The following STIMATE variants were observed in gnomAD, a reference collection of about 807,000 sequenced individuals.
STIMATE encodes store-operated calcium entry regulator STIMATE.
A neutral mutation model predicts 36.7 loss-of-function variants in STIMATE; 15 were observed. That is an observed-to-expected ratio of 0.41 (90% CI 0.27 to 0.63). STIMATE has a LOEUF of 0.63. STIMATE is among the 20% of genes least tolerant of loss of function. The probability of loss-of-function intolerance (pLI) is 0.32; values close to 1 mark genes in which losing one functional copy is unlikely to be tolerated. For missense variants in STIMATE, 305 were observed against 397.3 expected, an observed-to-expected ratio of 0.77 and a Z score of 1.98; for synonymous variants, 163 against 162.3, an observed-to-expected ratio of 1.00 and a Z score of -0.03.
chr3:52,897,472 G>A lies in STIMATE; in HGVS notation c.-22C>T. ...GCATGACAGGCCTCGCGGGAGGGGC[G>A]CGAGGGCCCAGGGCCCGCCCGGCCT... On this transcript the variant is annotated 5_prime_UTR_variant, in exon 1 of 8. Transcript: ENST00000355083. 4 of 1,281,898 alleles carry A rather than the reference G, an allele frequency of 3.1e-6. No individual in the cohort carries two copies. The highest frequency in any genetic ancestry group is 3.9e-6 in the Non-Finnish European group (4 of 1,016,878). 79.4% of individuals were successfully genotyped at this position (1,281,898 alleles called of 1,614,324 possible).
chr3:52,847,169 C>A, intron 4 of STIMATE: 1 of 989,348 alleles, frequency 1.0e-6, no homozygotes, highest in Non-Finnish European at 1.2e-6. Context: ...CTTAAGCCTC[C>A]CAAAGTGCTG....
chr3:52,863,902 C>G (rs114347218), intron 1 of STIMATE, among the ~76,000 whole-genome samples: 4,511 of 152,326 alleles, frequency 0.03, 226 homozygotes, highest in African/African-American at 0.1. Context: ...CATGCTGATT[C>G]AAGAGGTAGG....
chr3:52,867,795 T>C (rs1321276218), intron 1 of STIMATE, among the ~76,000 whole-genome samples: 1 of 152,092 alleles, frequency 6.6e-6, no homozygotes, highest in Non-Finnish European at 1.5e-5. Flanking sequence ...CCCTCCAGGG[T>C]AGGGTGTGGA....
chr3:52,852,505 C>T, intron 3 of STIMATE, 98 bp downstream of exon 3: 1 of 1,486,482 alleles, frequency 6.7e-7, no homozygotes, highest in Non-Finnish European at 9.2e-7. Flanking sequence ...ACCCTCTCCC[C>T]AAGCCAGAGG....
chr3:52,859,502 CAAAAAAAAAAAAAA>C (rs34298807), intron 1 of STIMATE, among the ~76,000 whole-genome samples: 40 of 15,648 alleles, frequency 2.6e-3, no homozygotes, highest in South Asian at 0.011. Flanking sequence ...CCCATTTCTC[CAAAAAAAAAAAAAA>C]AAAAAAAAAA....
rs1211122135 is a variant in STIMATE at position 52,895,999 on chromosome 3, G to T, written c.160+1292C>A. ...ATTTGTTTAGCAGAGAAAAAGCAAG[G>T]CAAGTTGGGACTAAAAAGGAAAGAA... On this transcript the variant is annotated intron_variant, in intron 1 of 7. Coordinates refer to ENST00000355083, the MANE Select transcript of STIMATE (RefSeq NM_198563.5). 4 of 1,260,172 alleles carry T rather than the reference G, an allele frequency of 3.2e-6. No homozygotes were observed. In the Admixed American group the frequency reaches 9.2e-5, roughly 29 times the overall value. The allele number at this position is 1,260,172 out of a possible 1,614,324, so 78.1% of individuals were successfully genotyped here. A position where few individuals can be genotyped will look rare whatever the true frequency, so the allele number is the denominator to read the frequency against.
intron 5 of STIMATE, 26 bp from the exon 6 acceptor site, chr3:52,843,824 G>A (rs773955709): frequency 1.2e-6 from 2 of 1,611,902 alleles, no homozygotes; most frequent in South Asian, 1.1e-5. Flanking sequence ...GACTCAGTGA[G>A]GTAGGGAGAG....
intron 5 of STIMATE, 22 bp downstream of exon 5, chr3:52,844,807 C>T: frequency 6.2e-7 from 1 of 1,612,548 alleles, no homozygotes; most frequent in Non-Finnish European, 8.5e-7. Context: ...CAAGGAGCTG[C>T]TCATGCAGGG....
intron 1 of STIMATE, among the ~76,000 whole-genome samples, chr3:52,866,734 C>T (rs1040002950): frequency 6.6e-6 from 1 of 152,198 alleles, no homozygotes; most frequent in Non-Finnish European, 1.5e-5. Context: ...TGGCGCTCCA[C>T]GTGGACCCAC....
At chr3:52,856,450 GCGTGAGGATTGCTTGAGCCCGGGAGTT>G (rs1701097684) in intron 1 of STIMATE, among the ~76,000 whole-genome samples, 1 of 152,198 alleles carries the variant, frequency 6.6e-6, no homozygotes, top group African/African-American at 2.4e-5. Context: ...CAAAGCTGAG[GCGTGAGGATTGCTTGAGCCCGGGAGTT>G]CGAGACCAGC....
rs559244260 is a variant in STIMATE at position 52,861,582 on chromosome 3, C to T, written c.161-6138G>A. Among the ~76,000 whole-genome samples, 5 of 152,278 alleles carry T rather than the reference C, an allele frequency of 3.3e-5. No homozygotes were observed. In the East Asian group the frequency reaches 5.8e-4, roughly 18 times the overall value. On this transcript the variant is annotated intron_variant, in intron 1 of 7. Transcript: ENST00000355083. ...GGGGGCTGCTATGACCGGCTAGGCA[C>T]GTTGTCTCCAGGATTAAATGAGAAG...
Position 52,840,358 on chromosome 3 carries a change from G to T in STIMATE, c.*136C>A. Reference sequence around the variant, plus strand: ...AAGTCACAGTAGTCTGGGGGCAGGCGAGAGCGGGCAGAGACAGCAAGAGGA... The same window carrying T: ...AAGTCACAGTAGTCTGGGGGCAGGCTAGAGCGGGCAGAGACAGCAAGAGGA... On this transcript the variant is annotated 3_prime_UTR_variant, in exon 8 of 8. Transcript: ENST00000355083. 1 of 1,033,024 alleles carries T rather than the reference G, an allele frequency of 9.7e-7. No individual in the cohort carries two copies. Among genetic ancestry groups the T allele is most frequent in the Non-Finnish European group, 1.4e-6 (1 of 713,846 alleles). 64.0% of individuals were successfully genotyped at this position (1,033,024 alleles called of 1,614,324 possible). A position where few individuals can be genotyped will look rare whatever the true frequency, so the allele number is the denominator to read the frequency against.
intron 1 of STIMATE, among the ~76,000 whole-genome samples, chr3:52,895,592 T>C (rs1002479850): frequency 1.3e-5 from 2 of 152,202 alleles, no homozygotes; most frequent in Non-Finnish European, 2.9e-5. Flanking sequence ...AAGAAGTGAA[T>C]ATGTCCCTGA....
intron 5 of STIMATE, 30 bp downstream of exon 5, chr3:52,844,799 A>C: frequency 6.2e-7 from 1 of 1,609,682 alleles, no homozygotes; most frequent in Non-Finnish European, 8.5e-7. Flanking sequence ...CAGCGTGGCA[A>C]GGAGCTGCTC....
At position 52,852,550 on chromosome 3, in the gene STIMATE, A is replaced by G. The variant is rs374404671; in HGVS notation, c.305+53T>C. 243 of 1,607,130 alleles carry G rather than the reference A, an allele frequency of 1.5e-4. 1 individual carries two copies. Among genetic ancestry groups the G allele is most frequent in the East Asian group, 1.0e-3 (45 of 44,838 alleles). On this transcript the variant is annotated intron_variant, in intron 3 of 7. Transcript: ENST00000355083. The stretch of plus-strand genomic sequence containing the variant: ...CAGCAGCAGAAAGCAAGGCCAGCCT[A>G]TATTTTCAATGGAGGGGCAGCTGAT...
At chr3:52,873,723 C>G (rs1315089314) in intron 1 of STIMATE, among the ~76,000 whole-genome samples, 1 of 152,136 alleles carries the variant, frequency 6.6e-6, no homozygotes, top group African/African-American at 2.4e-5. Context: ...TAAGTACTTG[C>G]TAATGAGGGC....
chr3:52,883,343 T>G (rs148315956), intron 1 of STIMATE, among the ~76,000 whole-genome samples: 2 of 152,364 alleles, frequency 1.3e-5, no homozygotes, highest in African/African-American at 4.8e-5. Context: ...ATATAATGTC[T>G]TCTTTTCCTC....
At chr3:52,895,068 A>T (rs1479430179) in intron 1 of STIMATE, among the ~76,000 whole-genome samples, 2 of 152,232 alleles carry the variant, frequency 1.3e-5, no homozygotes, top group Non-Finnish European at 2.9e-5. Flanking sequence ...CAGACTGAGA[A>T]GGACGGAGGA....
chr3:52,874,841 C>CA, intron 1 of STIMATE, among the ~76,000 whole-genome samples: 1 of 152,064 alleles, frequency 6.6e-6, no homozygotes, highest in East Asian at 1.9e-4. Context: ...GATTCTGTCT[C>CA]AAAAAATAAT....
Sources: allele counts gnomAD v4.1 joint callset (sites outside exome capture counted in the v4.1 genomes callset), GRCh38; gene constraint gnomAD v4.1.1; transcripts MANE v1.5; gene names NCBI Gene and HGNC (gene_info 2026-07-23, HGNC 2026-07-21).